Variants in STXBP5 observed in about 807,000 individuals in gnomAD.
The protein encoded by STXBP5 is syntaxin binding protein 5.
STXBP5 carries 50 observed loss-of-function variants against 152.4 expected under a neutral mutation model. The observed-to-expected ratio is 0.33, with a 90% confidence interval of 0.26 to 0.42. STXBP5 has a LOEUF of 0.42. Among genes scored for constraint, STXBP5 ranks in the 10% least tolerant of loss-of-function variants. The pLI, the probability that STXBP5 is intolerant of heterozygous loss-of-function variation, is 1.00. For synonymous variants in STXBP5, 492 were observed against 494.7 expected (o/e 0.99, Z 0.07); for missense variants, 1,167 against 1,388.6 (o/e 0.84, Z 2.54).
Position 147,370,855 on chromosome 6 carries a change from C to T in STXBP5, c.3082-2876C>T, listed in dbSNP as rs1386741335. The stretch of plus-strand genomic sequence containing the variant: ...TATTTATTTTTTCAGACTCAATACT[C>T]TTACAATATAAAGTTTTCTTAAAAT... On this transcript the variant is annotated intron_variant, in intron 25 of 27. Coordinates refer to ENST00000321680, the MANE Select transcript of STXBP5 (RefSeq NM_001127715.4). 4.6e-5 allele frequency among the ~76,000 whole-genome samples: 7 copies of T among 152,072 alleles called. No individual in the cohort carries two copies. In the East Asian group the frequency reaches 7.7e-4, roughly 17 times the overall value.
At chr6:147,372,633 C>T (rs779716071) in intron 25 of STXBP5, among the ~76,000 whole-genome samples, 19 of 151,640 alleles carry the variant, frequency 1.3e-4, no homozygotes, top group Middle Eastern at 3.4e-3. Flanking sequence ...CAGGGTTTCA[C>T]CATGTTGGTC....
intron 4 of STXBP5, among the ~76,000 whole-genome samples, chr6:147,252,127 C>G (rs1487779601): frequency 6.6e-6 from 1 of 152,028 alleles, no homozygotes; most frequent in Non-Finnish European, 1.5e-5. Flanking sequence ...AAGGAAAAAC[C>G]AGCACAAAAA....
At chr6:147,220,262 A>C (rs1225367597) in intron 2 of STXBP5, among the ~76,000 whole-genome samples, 1 of 151,994 alleles carries the variant, frequency 6.6e-6, no homozygotes, top group Non-Finnish European at 1.5e-5. Context: ...CTATTCTTTC[A>C]AATTTTTTGA....
intron 25 of STXBP5, among the ~76,000 whole-genome samples, chr6:147,371,526 G>T (rs774372496): frequency 3.6e-4 from 55 of 152,004 alleles, no homozygotes; most frequent in Non-Finnish European, 5.3e-4. Flanking sequence ...ATGTTCCTGA[G>T]AGGCAGTTAT....
intron 8 of STXBP5, among the ~76,000 whole-genome samples, chr6:147,285,501 C>T (rs1780916682): frequency 6.7e-6 from 1 of 150,318 alleles, no homozygotes; most frequent in African/African-American, 2.4e-5. Context: ...GGGTTTTTTT[C>T]AAGCAAAATT....
chr6:147,318,716 CT>C (rs945675235), intron 16 of STXBP5, among the ~76,000 whole-genome samples: 16 of 152,208 alleles, frequency 1.1e-4, no homozygotes, highest in African/African-American at 3.6e-4. Context: ...GAGGAGAGTC[CT>C]TTTTGTTGTT....
intron 9 of STXBP5, among the ~76,000 whole-genome samples, chr6:147,303,603 G>T (rs1240972082): frequency 1.3e-5 from 2 of 152,216 alleles, no homozygotes; most frequent in Non-Finnish European, 2.9e-5. Flanking sequence ...GTAACACGCA[G>T]AAGTTGGAAC....
intron 9 of STXBP5, among the ~76,000 whole-genome samples, chr6:147,298,329 G>A (rs1265437806): frequency 2.6e-5 from 4 of 151,988 alleles, no homozygotes; most frequent in African/African-American, 7.2e-5. Flanking sequence ...GAACACTAGA[G>A]CACACAAATT....
chr6:147,262,178 TC>T (rs1257329181), intron 5 of STXBP5, 111 bp from the exon 6 acceptor site: 1 of 688,954 alleles, frequency 1.5e-6, no homozygotes, highest in Non-Finnish European at 2.4e-6. Context: ...TGAAATCCTT[TC>T]TTTCTTTATA....
At chr6:147,288,871 G>C (rs1198633753) in intron 8 of STXBP5, among the ~76,000 whole-genome samples, 3 of 152,176 alleles carry the variant, frequency 2.0e-5, no homozygotes, top group Non-Finnish European at 2.9e-5. Flanking sequence ...GACTTCATAG[G>C]CTTGCCCCTT....
At chr6:147,236,094 C>CT (rs1204372557) in intron 3 of STXBP5, among the ~76,000 whole-genome samples, 1 of 152,092 alleles carries the variant, frequency 6.6e-6, no homozygotes, top group Non-Finnish European at 1.5e-5. Context: ...AAATAAATTC[C>CT]TGAATACCTC....
intron 16 of STXBP5, among the ~76,000 whole-genome samples, chr6:147,323,761 T>C (rs1361094722): frequency 6.6e-6 from 1 of 152,228 alleles, no homozygotes; most frequent in Non-Finnish European, 1.5e-5. Context: ...GTACTTTTCA[T>C]AGGCAGTCAC....
In STXBP5 at chr6:147,314,250, A is replaced by C. The variant is rs753701319; in HGVS notation, c.1294-14A>C. Reference sequence around the variant, plus strand: ...TGCTTGCAAGTTGCTTTATACAGTCATCTTTTTTTATAGGAATGGCCCATC... The same window carrying C: ...TGCTTGCAAGTTGCTTTATACAGTCCTCTTTTTTTATAGGAATGGCCCATC... On this transcript the variant is annotated splice_polypyrimidine_tract_variant and intron_variant, in intron 12 of 27. Coordinates refer to ENST00000321680, the MANE Select transcript of STXBP5 (RefSeq NM_001127715.4). 1 of 1,604,316 alleles carries C rather than the reference A, an allele frequency of 6.2e-7. No homozygotes were observed. Among genetic ancestry groups the C allele is most frequent in the Non-Finnish European group, 8.5e-7 (1 of 1,171,174 alleles).
intron 26 of STXBP5, among the ~76,000 whole-genome samples, chr6:147,378,167 C>T (rs1405566927): frequency 6.6e-6 from 1 of 152,026 alleles, no homozygotes; most frequent in Non-Finnish European, 1.5e-5. Context: ...AATAATTCAA[C>T]TCTCACACAA....
intron 5 of STXBP5, 62 bp from the exon 6 acceptor site, chr6:147,262,228 A>G (rs1043149394): frequency 7.6e-5 from 68 of 891,150 alleles, no homozygotes; most frequent in Non-Finnish European, 1.1e-4. Context: ...TTGGAATGAA[A>G]TATGTAGCCA....
Position 147,314,586 on chromosome 6 carries a change from CT to C in STXBP5, c.1362-6del. 1 of 1,607,624 alleles carries C rather than the reference CT, an allele frequency of 6.2e-7. No homozygotes were observed. Among genetic ancestry groups the C allele is most frequent in the South Asian group, 1.1e-5 (1 of 89,558 alleles). ...TTTATTCATCACATTCTTAACATTG[CT>C]TTTCTTAGGCATGCTGATGGGTCAG... On this transcript the variant is annotated splice_polypyrimidine_tract_variant and intron_variant, in intron 13 of 27. Coordinates refer to ENST00000321680, the MANE Select transcript of STXBP5 (RefSeq NM_001127715.4).
rs538507297 is a variant in STXBP5 at position 147,286,370 on chromosome 6, A to G, written c.839-4724A>G. On this transcript the variant is annotated intron_variant, in intron 8 of 27. Transcript: ENST00000321680. ...TCAATGTTCCATTACCAGTCAGTGT[A>G]CAAGTATATATTTATAAAAATTTAA... Among the ~76,000 whole-genome samples, 8 of 152,312 alleles carry G rather than the reference A, an allele frequency of 5.3e-5. No individual in the cohort carries two copies. In the South Asian group the frequency reaches 1.2e-3, roughly 24 times the overall value.
chr6:147,261,669 T>C (rs1447103839), intron 5 of STXBP5, among the ~76,000 whole-genome samples: 1 of 151,972 alleles, frequency 6.6e-6, no homozygotes, highest in East Asian at 1.9e-4. Flanking sequence ...GTCTGTTCTT[T>C]GAATTGATCA....
At chr6:147,333,088 A>G (rs1012342756) in intron 18 of STXBP5, among the ~76,000 whole-genome samples, 5 of 152,200 alleles carry the variant, frequency 3.3e-5, no homozygotes, top group Non-Finnish European at 7.3e-5. Context: ...TTAGTGTTCT[A>G]TCAATAAAGA....
Sources: allele counts gnomAD v4.1 joint callset (sites outside exome capture counted in the v4.1 genomes callset), GRCh38; gene constraint gnomAD v4.1.1; transcripts MANE v1.5; gene names NCBI Gene and HGNC (gene_info 2026-07-23, HGNC 2026-07-21).